ZNG1E: variants seen among roughly 807,000 people sequenced by gnomAD.
ZNG1E encodes the protein zinc-regulated GTPase metalloprotein activator 1E.
the ZNG1E span, among the ~76,000 whole-genome samples, chr9:65,674,392 G>A: frequency 1.3e-5 from 2 of 152,300 alleles, no homozygotes; most frequent in African/African-American, 4.8e-5. Context: ...TTTCAGAGAA[G>A]GAAGGAAAAG....
the ZNG1E span, among the ~76,000 whole-genome samples, chr9:65,715,048 A>AGACTCCGTGGGCGTGGG: frequency 6.7e-6 from 1 of 149,344 alleles, no homozygotes; most frequent in Non-Finnish European, 1.5e-5. Flanking sequence ...GCAATCAGCG[A>AGACTCCGTGGGCGTGGG]GACTCCGTGG....
At chr9:65,664,782 G>T in the ZNG1E span, among the ~76,000 whole-genome samples, 2 of 152,198 alleles carry the variant, frequency 1.3e-5, no homozygotes, top group African/African-American at 2.4e-5. Flanking sequence ...TGCCCAAAAT[G>T]CTGATAGTGA....
At chr9:65,657,204 AT>A in the ZNG1E span, among the ~76,000 whole-genome samples, 4 of 152,078 alleles carry the variant, frequency 2.6e-5, no homozygotes, top group Non-Finnish European at 5.9e-5. Flanking sequence ...TAATTCAACA[AT>A]CCCACTGCTA....
chr9:65,691,067 T>G, the ZNG1E span: 33 of 1,590,048 alleles, frequency 2.1e-5, no homozygotes, highest in African/African-American at 1.9e-4. Flanking sequence ...TCTTGTTTTT[T>G]TTTTGTTTTT....
the ZNG1E span, chr9:65,703,570 T>A: frequency 1.0e-6 from 1 of 961,630 alleles, no homozygotes; most frequent in Non-Finnish European, 1.2e-6. Flanking sequence ...TGTGCAGGGA[T>A]ATTTTATTAA....
the ZNG1E span, among the ~76,000 whole-genome samples, chr9:65,678,195 G>T: frequency 7.6e-6 from 1 of 132,222 alleles, no homozygotes; most frequent in Non-Finnish European, 1.6e-5. Flanking sequence ...TCACATCACT[G>T]CCCTGTGAAA....
chr9:65,681,049 A>G, the ZNG1E span, among the ~76,000 whole-genome samples: 1 of 151,946 alleles, frequency 6.6e-6, no homozygotes, highest in African/African-American at 2.4e-5. Context: ...TGGCCTCCCT[A>G]TAAGTTTAAT....
At chr9:65,714,315 C>G in the ZNG1E span, among the ~76,000 whole-genome samples, 5 of 151,490 alleles carry the variant, frequency 3.3e-5, no homozygotes, top group East Asian at 7.7e-4. Flanking sequence ...CCTCCCGTAG[C>G]TTGGAGTAAT....
chr9:65,661,037 A>C, the ZNG1E span, among the ~76,000 whole-genome samples: 2 of 147,934 alleles, frequency 1.4e-5, no homozygotes, highest in East Asian at 3.9e-4. Context: ...CAGCTGTGGA[A>C]ACTTGGGCCA....
chr9:65,700,038 T>C, the ZNG1E span, among the ~76,000 whole-genome samples: 1 of 150,022 alleles, frequency 6.7e-6, no homozygotes, highest in African/African-American at 2.5e-5. Flanking sequence ...TGCATAGTAA[T>C]GAATACAATT....
At chr9:65,673,481 T>C in the ZNG1E span, among the ~76,000 whole-genome samples, 1 of 151,382 alleles carries the variant, frequency 6.6e-6, no homozygotes, top group Non-Finnish European at 1.5e-5. Flanking sequence ...TTTTGGCCAA[T>C]GTGTAAAACT....
the ZNG1E span, among the ~76,000 whole-genome samples, chr9:65,683,810 A>G: frequency 6.6e-6 from 1 of 152,278 alleles, no homozygotes; most frequent in Non-Finnish European, 1.5e-5. Context: ...TTTGGTCCTT[A>G]TAGTAAGCAT....
chr9:65,689,465 G>T, the ZNG1E span, among the ~76,000 whole-genome samples: 1 of 137,838 alleles, frequency 7.3e-6, no homozygotes, highest in Non-Finnish European at 1.5e-5. Context: ...AAGCACCCTG[G>T]TTTGAGAGCC....
chr9:65,684,196 A>G, the ZNG1E span, among the ~76,000 whole-genome samples: 1 of 152,064 alleles, frequency 6.6e-6, no homozygotes, highest in African/African-American at 2.4e-5. Context: ...TAAATACCTA[A>G]AAAATACAAA....
At chr9:65,656,756 A>T in the ZNG1E span, among the ~76,000 whole-genome samples, 1 of 152,278 alleles carries the variant, frequency 6.6e-6, no homozygotes, top group Non-Finnish European at 1.5e-5. Flanking sequence ...AGCTAACAGA[A>T]CCCCATGTCT....
the ZNG1E span, among the ~76,000 whole-genome samples, chr9:65,728,533 G>C: frequency 3.4e-5 from 5 of 148,512 alleles, no homozygotes; most frequent in South Asian, 2.1e-4. Flanking sequence ...AATGAAACGG[G>C]AGATATTACA....
the ZNG1E span, among the ~76,000 whole-genome samples, chr9:65,678,610 T>C: frequency 6.9e-6 from 1 of 145,358 alleles, no homozygotes; most frequent in East Asian, 1.9e-4. Context: ...AGGATTTTCT[T>C]TTTTTCCTCT....
the ZNG1E span, among the ~76,000 whole-genome samples, chr9:65,699,091 T>TA: frequency 2.7e-5 from 4 of 149,320 alleles, no homozygotes; most frequent in African/African-American, 9.9e-5. Flanking sequence ...TTATTTTATT[T>TA]TATTTTTTTT....
the ZNG1E span, among the ~76,000 whole-genome samples, chr9:65,658,943 T>C: frequency 6.6e-6 from 1 of 151,436 alleles, no homozygotes; most frequent in East Asian, 1.9e-4. Flanking sequence ...CTTAATTACC[T>C]CTTTAAAGGC....
Sources: allele counts gnomAD v4.1 joint callset (sites outside exome capture counted in the v4.1 genomes callset), GRCh38; gene constraint gnomAD v4.1.1; transcripts MANE v1.5; gene names NCBI Gene and HGNC (gene_info 2026-07-23, HGNC 2026-07-21).